The following SIK3 variants were observed in gnomAD, a reference collection of about 807,000 sequenced individuals.
SIK3 encodes SIK family kinase 3.
SIK3 carries 28 observed loss-of-function variants against 144.2 expected under a neutral mutation model. The ratio of observed to expected loss-of-function variants is 0.19; its 90% CI spans 0.14 to 0.27. The LOEUF is 0.27. Among genes scored for constraint, SIK3 ranks in the 10% least tolerant of loss-of-function variants. The probability of loss-of-function intolerance (pLI) is 1.00; values close to 1 mark genes in which losing one functional copy is unlikely to be tolerated. For missense variants in SIK3, 1,319 were observed against 1,776.0 expected (o/e 0.74, Z 4.62); for synonymous variants, 686 against 676.3 (o/e 1.01, Z -0.22).
chr11:116,913,585 C>T (rs1040805470), intron 4 of SIK3, among the ~76,000 whole-genome samples: 2 of 147,210 alleles, frequency 1.4e-5, no homozygotes, highest in East Asian at 1.9e-4. Flanking sequence ...TATAATGAGA[C>T]ACTTTCTACA....
chr11:117,074,139 A>G (rs112892836), intron 1 of SIK3, among the ~76,000 whole-genome samples: 80 of 152,288 alleles, frequency 5.3e-4, no homozygotes, highest in Middle Eastern at 3.4e-3. Context: ...TTGGCTTACC[A>G]TACTACTGTA....
At chr11:117,081,363 C>A (rs1376563286) in intron 1 of SIK3, among the ~76,000 whole-genome samples, 2 of 152,162 alleles carry the variant, frequency 1.3e-5, no homozygotes, top group Non-Finnish European at 2.9e-5. Context: ...GTGGCTCACA[C>A]CTGTAATCAC....
Position 116,994,125 on chromosome 11 carries a change from C to T in SIK3, c.274-37061G>A, listed in dbSNP as rs1364512824. ...AAATTTATGAAATTAGCTAGCCTCC[C>T]TTCTCCAGCCTTAAAATCTATTTAA... On this transcript the variant is annotated intron_variant, in intron 1 of 24. Coordinates refer to ENST00000445177, the MANE Select transcript of SIK3 (RefSeq NM_001366686.3). 3.3e-5 allele frequency among the ~76,000 whole-genome samples: 5 copies of T among 152,332 alleles called. No individual in the cohort carries two copies. In the South Asian group the frequency reaches 8.3e-4, roughly 25 times the overall value.
At chr11:117,001,540 T>G (rs564673974) in intron 1 of SIK3, among the ~76,000 whole-genome samples, 2 of 151,512 alleles carry the variant, frequency 1.3e-5, no homozygotes, top group East Asian at 3.9e-4. Flanking sequence ...TAATTTGAGC[T>G]GGGCACAGTG....
At chr11:117,081,288 T>C (rs1411903101) in intron 1 of SIK3, among the ~76,000 whole-genome samples, 1 of 152,208 alleles carries the variant, frequency 6.6e-6, no homozygotes, top group African/African-American at 2.4e-5. Context: ...GTAAGACACA[T>C]GTATTAGAGA....
In SIK3 at chr11:117,039,352, T is replaced by C. The variant is rs1011982669; in HGVS notation, c.273+58791A>G. Among the ~76,000 whole-genome samples the C allele has an allele frequency of 2.6e-5, 4 of 152,202 alleles. No homozygotes were observed. The East Asian group carries it at 5.8e-4, about 22-fold the overall frequency. On this transcript the variant is annotated intron_variant, in intron 1 of 24. Transcript: ENST00000445177. ...TGCCCTGGTCTTGAACTCACTTAAG[T>C]GATCCTCCCACTTCAGCCTCCCATA...
chr11:117,071,133 A>G (rs1954259303), intron 1 of SIK3, among the ~76,000 whole-genome samples: 1 of 152,134 alleles, frequency 6.6e-6, no homozygotes, highest in South Asian at 2.1e-4. Context: ...AGCTACTAGT[A>G]ACTTCAACAT....
chr11:117,061,622 A>T (rs954796200), intron 1 of SIK3, among the ~76,000 whole-genome samples: 7 of 152,202 alleles, frequency 4.6e-5, no homozygotes, highest in Admixed American at 3.3e-4. Context: ...TGAACCCATA[A>T]GTCAACATTA....
intron 4 of SIK3, among the ~76,000 whole-genome samples, chr11:116,898,981 T>A (rs1201471600): frequency 6.8e-6 from 1 of 148,146 alleles, no homozygotes; most frequent in East Asian, 2.0e-4. Context: ...TTTAATTAGA[T>A]CCCACTTGTC....
intron 3 of SIK3, among the ~76,000 whole-genome samples, chr11:116,930,402 T>C (rs1947535150): frequency 6.6e-6 from 1 of 152,216 alleles, no homozygotes; most frequent in Non-Finnish European, 1.5e-5. Context: ...TTTATATTCG[T>C]ATATGCTCTA....
chr11:116,968,707 G>A (rs138229942), intron 1 of SIK3, among the ~76,000 whole-genome samples: 94 of 152,280 alleles, frequency 6.2e-4, no homozygotes, highest in African/African-American at 1.9e-3. Context: ...TTGCATTAGA[G>A]TACAAGTGTA....
At chr11:117,035,915 A>T in intron 1 of SIK3, 1 of 1,596,258 alleles carries the variant, frequency 6.3e-7, no homozygotes, top group Non-Finnish European at 8.5e-7. Flanking sequence ...ATGGCTAAAG[A>T]CCGTGATGAT....
At chr11:117,008,113 G>A (rs1225384402) in intron 1 of SIK3, among the ~76,000 whole-genome samples, 3 of 146,008 alleles carry the variant, frequency 2.1e-5, no homozygotes, top group East Asian at 2.0e-4. Flanking sequence ...AAATTGGGAA[G>A]GAGTTAGACA....
At position 116,914,077 on chromosome 11, in the gene SIK3, CTTAGA is replaced by C. The variant is rs572237517; in HGVS notation, c.616+13137_616+13141del. 4.6e-3 allele frequency among the ~76,000 whole-genome samples: 704 copies of C among 151,702 alleles called. 3 individuals carry two copies. The highest frequency in any genetic ancestry group is 0.015 in the South Asian group (73 of 4,794). ...TTAAGAGTAGGTAACAAAATACTATCTTAGATTAAAGCTAATAGGAAACAAACAAA... is the reference window on the plus strand; with the variant it reads ...TTAAGAGTAGGTAACAAAATACTATCTTAAAGCTAATAGGAAACAAACAAA... On this transcript the variant is annotated intron_variant, in intron 4 of 24. Transcript: ENST00000445177.
At chr11:116,982,207 T>C (rs1455211161) in intron 1 of SIK3, among the ~76,000 whole-genome samples, 2 of 152,170 alleles carry the variant, frequency 1.3e-5, no homozygotes, top group African/African-American at 2.4e-5. Flanking sequence ...TACTTGTCTC[T>C]TGTCCCTCCA....
At position 117,027,725 on chromosome 11, in the gene SIK3, C is replaced by A. The variant is rs187932672; in HGVS notation, c.273+70418G>T. On this transcript the variant is annotated intron_variant, in intron 1 of 24. Coordinates refer to ENST00000445177, the MANE Select transcript of SIK3 (RefSeq NM_001366686.3). ...CAGGTGATCCACCTGCCTCAGCCTC[C>A]AAAAGTGCTGGGATTACAGACGTGA... is the stretch of plus-strand genomic sequence containing the variant. Among the ~76,000 whole-genome samples, 659 of 152,056 alleles carry A rather than the reference C, an allele frequency of 4.3e-3. 2 individuals are homozygous for A. The highest frequency in any genetic ancestry group is 7.5e-3 in the Non-Finnish European group (511 of 68,004).
chr11:116,883,350 A>T (rs1048150300), intron 6 of SIK3, among the ~76,000 whole-genome samples: 3 of 152,238 alleles, frequency 2.0e-5, no homozygotes, highest in Non-Finnish European at 4.4e-5. Flanking sequence ...TCTTGTTATA[A>T]CATGGACAGA....
At chr11:116,949,820 T>C (rs530298902) in intron 3 of SIK3, among the ~76,000 whole-genome samples, 7 of 152,338 alleles carry the variant, frequency 4.6e-5, no homozygotes, top group East Asian at 3.9e-4. Flanking sequence ...TACAATCAGG[T>C]TTGAACTTCT....
chr11:116,963,478 A>G (rs1335921404), intron 1 of SIK3, among the ~76,000 whole-genome samples: 1 of 152,242 alleles, frequency 6.6e-6, no homozygotes, highest in Non-Finnish European at 1.5e-5. Flanking sequence ...CATCAGAGCA[A>G]TTGCAGCATC....
Sources: allele counts gnomAD v4.1 joint callset (sites outside exome capture counted in the v4.1 genomes callset), GRCh38; gene constraint gnomAD v4.1.1; transcripts MANE v1.5; gene names NCBI Gene and HGNC (gene_info 2026-07-23, HGNC 2026-07-21).